Variants in DSTYK observed in about 807,000 individuals in gnomAD.
DSTYK encodes the protein dual serine/threonine and tyrosine protein kinase.
Under a neutral mutation model 98.7 loss-of-function variants are expected in DSTYK, and 34 were observed. The observed-to-expected ratio is 0.34, with a 90% confidence interval of 0.26 to 0.46. DSTYK has a LOEUF of 0.46. DSTYK is among the 20% of genes least tolerant of loss of function. The pLI is 1.00. For missense variants in DSTYK, 962 were observed against 1,181.7 expected (o/e 0.81, Z 2.73); for synonymous variants, 462 against 457.3 (o/e 1.01, Z -0.13).
intron 2 of DSTYK, among the ~76,000 whole-genome samples, chr1:205,172,784 T>C (rs1658104022): frequency 6.6e-6 from 1 of 152,178 alleles, no homozygotes; most frequent in African/African-American, 2.4e-5. Flanking sequence ...TTTGTCATTT[T>C]AGCAAACACT....
chr1:205,150,160 T>G lies in DSTYK; in HGVS notation c.2467+520A>C, dbSNP rs545391617. The stretch of plus-strand genomic sequence containing the variant: ...AATGAGTTCCCTTCTCACCTACCAA[T>G]TTCCCAAATCTGACTCAAGTTCTAT... On this transcript the variant is annotated intron_variant, in intron 11 of 12. Coordinates refer to ENST00000367162, the MANE Select transcript of DSTYK (RefSeq NM_015375.3). This position sits in a 1 kb window ranked among gnomAD's most constrained non-coding sequence, Gnocchi z 4.1. 6.6e-6 allele frequency among the ~76,000 whole-genome samples: 1 copy of G among 152,294 alleles called. No individual in the cohort carries two copies. The highest frequency in any genetic ancestry group is 2.1e-4 in the South Asian group (1 of 4,822).
rs539243677 is a variant in DSTYK at position 205,180,528 on chromosome 1, G to C, written c.654+6890C>G. Reference sequence around the variant, plus strand: ...GACCCAGGCTGGAATGCAATGGCGCGGTCTCAGCTTACCGCAACCTCCACT... The same window carrying C: ...GACCCAGGCTGGAATGCAATGGCGCCGTCTCAGCTTACCGCAACCTCCACT... On this transcript the variant is annotated intron_variant, in intron 2 of 12. Coordinates refer to ENST00000367162, the MANE Select transcript of DSTYK (RefSeq NM_015375.3). Among the ~76,000 whole-genome samples the C allele has an allele frequency of 2.6e-5, 4 of 152,152 alleles. No individual in the cohort carries two copies. The South Asian group carries it at 8.3e-4, about 32-fold the overall frequency.
At chr1:205,176,885 G>C in intron 2 of DSTYK, among the ~76,000 whole-genome samples, 1 of 152,058 alleles carries the variant, frequency 6.6e-6, no homozygotes, top group Non-Finnish European at 1.5e-5. Flanking sequence ...TATAACAAAG[G>C]ATGATTATAC....
intron 1 of DSTYK, among the ~76,000 whole-genome samples, chr1:205,196,640 T>G (rs1386946810): frequency 6.6e-6 from 1 of 151,382 alleles, no homozygotes; most frequent in Non-Finnish European, 1.5e-5. Context: ...TGGAAGGAGG[T>G]TTTTTGAGAA....
At chr1:205,158,577 TA>T (rs1448535797) in intron 9 of DSTYK, among the ~76,000 whole-genome samples, 1 of 152,202 alleles carries the variant, frequency 6.6e-6, no homozygotes, top group African/African-American at 2.4e-5. Flanking sequence ...TTTTGGGTCT[TA>T]TATAATTTGT....
At chr1:205,151,601 A>G (rs1657406523) in intron 10 of DSTYK, among the ~76,000 whole-genome samples, 2 of 151,166 alleles carry the variant, frequency 1.3e-5, no homozygotes, top group Admixed American at 1.3e-4. Context: ...GACAGCTAAG[A>G]CTATAGTTGT....
rs569664059 is a variant in DSTYK, at chr1:205,163,844, T to G, written c.1436A>C (p.Lys479Thr). The G allele has an allele frequency of 2.4e-5, 38 of 1,614,078 alleles. No homozygotes were observed. The highest frequency in any genetic ancestry group is 3.1e-5 in the Non-Finnish European group (37 of 1,180,032). ...CAGGTAATCCACTGAGCTGATCAGCTTATTAGCCACTGCCTGATTAAGTCG... is the reference window on the plus strand; with the variant it reads ...CAGGTAATCCACTGAGCTGATCAGCGTATTAGCCACTGCCTGATTAAGTCG... Reference protein sequence around the residue: ...ISRLNQAVANKLISSVDYLRE... With the variant: ...ISRLNQAVANTLISSVDYLRE... Residue 479 changes from lysine (K) to threonine (T), a missense_variant, in exon 4 of 13, where the codon AAG becomes ACG. By Grantham distance (78) the Lys-to-Thr change is moderately conservative. Transcript: ENST00000367162.
intron 2 of DSTYK, among the ~76,000 whole-genome samples, chr1:205,182,544 G>A (rs1327175126): frequency 8.0e-6 from 1 of 125,724 alleles, no homozygotes; most frequent in Admixed American, 8.8e-5. Context: ...TGTGGCTCAC[G>A]CCTGTAATCC....
At chr1:205,156,783 CA>C (rs766907850) in intron 10 of DSTYK, among the ~76,000 whole-genome samples, 1 of 152,052 alleles carries the variant, frequency 6.6e-6, no homozygotes, top group Admixed American at 6.6e-5. Context: ...TGGGAGGGGC[CA>C]GGGGCAGAAT....
At chr1:205,210,360 C>G (rs1238526675) in intron 1 of DSTYK, among the ~76,000 whole-genome samples, 2 of 152,062 alleles carry the variant, frequency 1.3e-5, no homozygotes, top group Non-Finnish European at 2.9e-5. Context: ...TAAATTAAAC[C>G]CACAGACTTC....
At chr1:205,190,140 C>G (rs1401980484) in intron 1 of DSTYK, among the ~76,000 whole-genome samples, 2 of 152,184 alleles carry the variant, frequency 1.3e-5, no homozygotes, top group African/African-American at 4.8e-5. Context: ...ACACCCAACA[C>G]AATGCCTGAC....
chr1:205,180,703 G>C (rs1413436848), intron 2 of DSTYK, among the ~76,000 whole-genome samples: 1 of 152,118 alleles, frequency 6.6e-6, no homozygotes, highest in Admixed American at 6.6e-5. Flanking sequence ...GAACTCAAGC[G>C]CTCTGCCTGC....
intron 1 of DSTYK, among the ~76,000 whole-genome samples, chr1:205,199,512 T>G (rs1393824125): frequency 6.6e-6 from 1 of 152,180 alleles, no homozygotes; most frequent in Non-Finnish European, 1.5e-5. Flanking sequence ...ACATCTGTTC[T>G]CCTCTGGTCA....
In DSTYK at chr1:205,143,685, G is replaced by C. The variant is rs956952008; in HGVS notation, c.*3873C>G. 4 of 152,588 alleles carry C rather than the reference G, an allele frequency of 2.6e-5. No homozygotes were observed. Among genetic ancestry groups the C allele is most frequent in the African/African-American group, 9.7e-5 (4 of 41,404 alleles). The allele number at this position is 152,588 out of a possible 1,614,324, so 9.5% of individuals were successfully genotyped here. A position where few individuals can be genotyped will look rare whatever the true frequency, so the allele number is the denominator to read the frequency against. On this transcript the variant is annotated 3_prime_UTR_variant, in exon 13 of 13. Transcript: ENST00000367162. ...AAATAAAGTGTCATTCAGTGCAGTTGTCACTTTGCAGCCCTGCAACCCCGA... is the reference window on the plus strand; with the variant it reads ...AAATAAAGTGTCATTCAGTGCAGTTCTCACTTTGCAGCCCTGCAACCCCGA...
chr1:205,201,548 C>T (rs1177600386), intron 1 of DSTYK, among the ~76,000 whole-genome samples: 3 of 151,564 alleles, frequency 2.0e-5, no homozygotes, highest in East Asian at 1.9e-4. Flanking sequence ...CCAAAAAAAA[C>T]GCCCTTCCAA....
chr1:205,208,699 C>T (rs1425535656), intron 1 of DSTYK, among the ~76,000 whole-genome samples: 1 of 152,124 alleles, frequency 6.6e-6, no homozygotes, highest in African/African-American at 2.4e-5. Context: ...CAAAGTGAGA[C>T]CCCATCTTTA....
In DSTYK at chr1:205,150,580, A is replaced by G; in HGVS notation, c.2467+100T>C. 1.1e-6 allele frequency: 1 copy of G among 946,726 alleles called. No homozygotes were observed. Among genetic ancestry groups the G allele is most frequent in the South Asian group, 1.5e-5 (1 of 65,544 alleles). The allele number at this position is 946,726 out of a possible 1,614,324, so 58.6% of individuals were successfully genotyped here. ...ATCTGGTTTCTCCCTTGCCTGTGCCAGACCTGCCAGTAGTGATTGTGGAAA... is the reference window on the plus strand; with the variant it reads ...ATCTGGTTTCTCCCTTGCCTGTGCCGGACCTGCCAGTAGTGATTGTGGAAA... On this transcript the variant is annotated intron_variant, in intron 11 of 12. Transcript: ENST00000367162. The surrounding 1 kb of genome is among the most constrained non-coding windows in gnomAD (Gnocchi z 4.1).
chr1:205,168,465 T>A (rs564803739), intron 3 of DSTYK, among the ~76,000 whole-genome samples: 1 of 152,320 alleles, frequency 6.6e-6, no homozygotes, highest in Non-Finnish European at 1.5e-5. Context: ...TCTGCAGTCA[T>A]CTTTAGTGGT....
intron 4 of DSTYK, 21 bp downstream of exon 4, chr1:205,163,702 T>TA (rs751301081): frequency 6.3e-7 from 1 of 1,596,590 alleles, no homozygotes; most frequent in East Asian, 2.2e-5. Context: ...CACGATGTCT[T>TA]AAAAATCATT....
Sources: allele counts gnomAD v4.1 joint callset (sites outside exome capture counted in the v4.1 genomes callset), GRCh38; gene constraint gnomAD v4.1.1; non-coding constraint Gnocchi (gnomAD v3.1); transcripts MANE v1.5; gene names NCBI Gene and HGNC (gene_info 2026-07-23, HGNC 2026-07-21).